RPA1: variants seen among roughly 807,000 people sequenced by gnomAD.
RPA1 encodes the protein replication protein A 70 kDa DNA-binding subunit.
RPA1 carries 49 observed loss-of-function variants against 83.0 expected under a neutral mutation model. The observed-to-expected ratio is 0.59, with a 90% CI of 0.47 to 0.75. The LOEUF (loss-of-function observed/expected upper bound fraction) is 0.75. RPA1 is among the 30% of genes least tolerant of loss of function. The pLI is 0.00. For synonymous variants in RPA1, 279 were observed against 281.8 expected, an observed-to-expected ratio of 0.99 and a Z score of 0.10; for missense variants, 693 against 776.1, an observed-to-expected ratio of 0.89 and a Z score of 1.27.
At chr17:1,862,092 C>T (rs1028482352) in intron 5 of RPA1, among the ~76,000 whole-genome samples, 1 of 151,542 alleles carries the variant, frequency 6.6e-6, no homozygotes, top group Non-Finnish European at 1.5e-5. Flanking sequence ...CGGGGTTTCA[C>T]TGTGTTAGCC....
intron 16 of RPA1, among the ~76,000 whole-genome samples, chr17:1,896,447 C>A (rs1018198255): frequency 6.6e-6 from 1 of 152,028 alleles, no homozygotes; most frequent in African/African-American, 2.4e-5. Context: ...TTTACCTTAA[C>A]GCCCGTTCTT....
chr17:1,842,647 T>G (rs1214972533), intron 1 of RPA1, among the ~76,000 whole-genome samples, 156 bp from the exon 2 acceptor site: 2 of 152,238 alleles, frequency 1.3e-5, no homozygotes, highest in Admixed American at 1.3e-4. Flanking sequence ...TTTTATGATT[T>G]GTCCAGAGTG....
intron 1 of RPA1, among the ~76,000 whole-genome samples, chr17:1,834,485 T>C (rs573680042): frequency 2.6e-5 from 4 of 152,332 alleles, no homozygotes; most frequent in Admixed American, 2.6e-4. Context: ...TTGCTGACTT[T>C]CATTATCAGC....
At chr17:1,894,882 G>A (rs1284039641) in intron 15 of RPA1, 127 bp from the exon 16 acceptor site, 1 of 660,404 alleles carries the variant, frequency 1.5e-6, no homozygotes, top group Non-Finnish European at 2.7e-6. Context: ...ACCTGTAGAT[G>A]AGTCATTCCT....
chr17:1,858,389 G>A, intron 5 of RPA1: 1 of 1,595,628 alleles, frequency 6.3e-7, no homozygotes, highest in Admixed American at 1.7e-5. Context: ...CAGAGCTGAG[G>A]GCTAAAGTGG....
rs968348378 is a variant in RPA1, at chr17:1,897,186, G to A, written c.*11G>A. On this transcript the variant is annotated 3_prime_UTR_variant, in exon 17 of 17. Transcript: ENST00000254719. ...AGTGCATTGATGTGAGAGGAGCAGT[G>A]CCAATCGGGCAGAAGTTTGCAAATA... 7.1e-6 allele frequency: 11 copies of A among 1,540,370 alleles called. No homozygotes were observed. In the African/African-American group the frequency reaches 1.4e-4, roughly 19 times the overall value.
At chr17:1,843,027 T>C (rs904084732) in intron 2 of RPA1, among the ~76,000 whole-genome samples, 174 bp downstream of exon 2, 5 of 152,006 alleles carry the variant, frequency 3.3e-5, no homozygotes, top group Non-Finnish European at 4.4e-5. Flanking sequence ...TTTTTGAAAA[T>C]GTTACTACGT....
rs183568562 is a variant in RPA1, at chr17:1,883,096, G to A, written c.1242-716G>A. ...AGCACTTTGGGAGGCCGAGGGAGGAGGATTGTCTGAGTCCAGGAGTTTGAG... is the reference window on the plus strand; with the variant it reads ...AGCACTTTGGGAGGCCGAGGGAGGAAGATTGTCTGAGTCCAGGAGTTTGAG... On this transcript the variant is annotated intron_variant, in intron 12 of 16. Coordinates refer to ENST00000254719, the MANE Select transcript of RPA1 (RefSeq NM_002945.5). Among the ~76,000 whole-genome samples the A allele has an allele frequency of 3.9e-5, 6 of 152,272 alleles. No homozygotes were observed. The East Asian group carries it at 1.2e-3, about 29-fold the overall frequency.
intron 1 of RPA1, among the ~76,000 whole-genome samples, chr17:1,831,661 C>T (rs1402675566): frequency 2.0e-5 from 3 of 149,852 alleles, no homozygotes; most frequent in Admixed American, 6.7e-5. Flanking sequence ...GGCAGTGGCG[C>T]GATCTCGGCT....
intron 13 of RPA1, among the ~76,000 whole-genome samples, chr17:1,885,031 A>G (rs935772972): frequency 6.6e-6 from 1 of 152,120 alleles, no homozygotes; most frequent in African/African-American, 2.4e-5. Flanking sequence ...TCCTTTCACA[A>G]AAGCTTTCTC....
intron 12 of RPA1, among the ~76,000 whole-genome samples, chr17:1,883,143 A>G (rs1913857729): frequency 6.6e-6 from 1 of 152,162 alleles, no homozygotes; most frequent in Admixed American, 6.5e-5. Flanking sequence ...CAACAGAGCA[A>G]GACCCCATCT....
intron 1 of RPA1, among the ~76,000 whole-genome samples, chr17:1,841,215 T>G (rs1408261865): frequency 6.6e-6 from 1 of 152,218 alleles, no homozygotes; most frequent in African/African-American, 2.4e-5. Context: ...CTAAATCAAC[T>G]TACTAGTTTT....
rs1361106774 is a variant in RPA1 at position 1,880,590 on chromosome 17, A to G, written c.1140A>G (p.Gly380=). The change falls in exon 12 of 17, where the codon GGA becomes GGG. Residue 380 remains glycine (G), a synonymous_variant. Coordinates refer to ENST00000254719, the MANE Select transcript of RPA1 (RefSeq NM_002945.5). ...GACAGCCCGTGTTGGCTATCAAAGG[A>G]GCCCGAGTCTCTGATTTCGGTGGAC... ...GSRQPVLAIK[G]ARVSDFGGRS... The G allele has an allele frequency of 2.5e-6, 4 of 1,613,810 alleles. No homozygotes were observed. Among genetic ancestry groups the G allele is most frequent in the Non-Finnish European group, 3.4e-6 (4 of 1,179,904 alleles).
At chr17:1,871,006 A>G (rs1319262145) in intron 5 of RPA1, among the ~76,000 whole-genome samples, 2 of 152,146 alleles carry the variant, frequency 1.3e-5, no homozygotes, top group Non-Finnish European at 2.9e-5. Flanking sequence ...CCCCAATACT[A>G]TTTCCTGAGC....
intron 13 of RPA1, among the ~76,000 whole-genome samples, chr17:1,886,251 A>G (rs1057207915): frequency 1.3e-5 from 2 of 152,230 alleles, no homozygotes; most frequent in Non-Finnish European, 2.9e-5. Context: ...AAAATATTCA[A>G]TAAACTACAC....
chr17:1,878,848 T>C (rs1913662599), intron 8 of RPA1, 145 bp from the exon 9 acceptor site: 1 of 723,844 alleles, frequency 1.4e-6, no homozygotes, highest in South Asian at 1.7e-5. Context: ...CGTAGCCCTC[T>C]CTGGACCCTG....
chr17:1,888,228 G>T (rs1454315521), intron 13 of RPA1, among the ~76,000 whole-genome samples: 5 of 152,188 alleles, frequency 3.3e-5, no homozygotes, highest in Non-Finnish European at 5.9e-5. Flanking sequence ...CACGACTGCC[G>T]TGTTTTGAGC....
intron 5 of RPA1, among the ~76,000 whole-genome samples, chr17:1,861,262 G>A (rs546134692): frequency 6.6e-6 from 1 of 152,076 alleles, no homozygotes; most frequent in Non-Finnish European, 1.5e-5. Flanking sequence ...CCAGACTCTC[G>A]GCCCCCATTT....
chr17:1,855,048 G>T (rs1331107014), intron 5 of RPA1, among the ~76,000 whole-genome samples: 1 of 152,172 alleles, frequency 6.6e-6, no homozygotes, highest in Non-Finnish European at 1.5e-5. Flanking sequence ...TCTGTTCCTA[G>T]TTGGTGAGGG....
Sources: gnomAD v4.1 joint callset for allele counts (sites outside exome capture counted in the v4.1 genomes callset) on GRCh38, gnomAD v4.1.1 for gene constraint, MANE v1.5 for transcripts, NCBI Gene and HGNC (gene_info 2026-07-23, HGNC 2026-07-21) for gene names.